TRDMT1: variants seen among roughly 807,000 people sequenced by gnomAD.
The protein encoded by TRDMT1 is tRNA (cytosine(38)-C(5))-methyltransferase.
TRDMT1 carries 49 observed loss-of-function variants against 51.2 expected under a neutral mutation model. The observed-to-expected ratio is 0.96, with a 90% confidence interval of 0.76 to 1.21. The LOEUF is 1.21. Ranked by LOEUF, TRDMT1 falls within the 50% of genes most tolerant of loss-of-function variation. The probability of loss-of-function intolerance (pLI) is 0.00; values close to 1 mark genes in which losing one functional copy is unlikely to be tolerated. For synonymous variants in TRDMT1, 187 were observed against 164.6 expected, an observed-to-expected ratio of 1.14 and a Z score of -1.04; for missense variants, 534 against 462.3, an observed-to-expected ratio of 1.16 and a Z score of -1.42.
chr10:17,151,541 G>T, intron 10 of TRDMT1: 1 of 985,356 alleles, frequency 1.0e-6, no homozygotes, highest in South Asian at 4.7e-5. Context: ...GTTGTGTCAC[G>T]GTGCTGCTCA....
At chr10:17,161,732 T>C (rs1817218519) in intron 4 of TRDMT1, among the ~76,000 whole-genome samples, 184 bp from the exon 5 acceptor site, 1 of 152,240 alleles carries the variant, frequency 6.6e-6, no homozygotes, top group African/African-American at 2.4e-5. Flanking sequence ...GCACACTTGA[T>C]AAAGTTAACA....
At position 17,144,424 on chromosome 10, in the gene TRDMT1, T is replaced by C. The variant is rs987381911; in HGVS notation, c.*4616A>G. On this transcript the variant is annotated 3_prime_UTR_variant, in exon 11 of 11. Transcript: ENST00000377799. ...GTTCTATGGGAGAACTCAGTTCCTATCTTGTAATTTTTGTGAAAATTTCCG... is the reference window on the plus strand; with the variant it reads ...GTTCTATGGGAGAACTCAGTTCCTACCTTGTAATTTTTGTGAAAATTTCCG... 6 of 985,474 alleles carry C rather than the reference T, an allele frequency of 6.1e-6. No homozygotes were observed. In the African/African-American group the frequency reaches 8.7e-5, roughly 14 times the overall value. 61.0% of individuals were successfully genotyped at this position (985,474 alleles called of 1,614,324 possible).
Position 17,142,958 on chromosome 10 carries a change from C to T in TRDMT1, c.*6082G>A, listed in dbSNP as rs1440956844. ...GAGCAGGGAGAAATAAATCTACACT[C>T]TCTTGTCAAGACCAGAAGTCAGAAT... On this transcript the variant is annotated 3_prime_UTR_variant, in exon 11 of 11. Coordinates refer to ENST00000377799, the MANE Select transcript of TRDMT1 (RefSeq NM_004412.7). The T allele has an allele frequency of 1.0e-6, 1 of 980,276 alleles. No individual in the cohort carries two copies. Among genetic ancestry groups the T allele is most frequent in the African/African-American group, 1.8e-5 (1 of 57,120 alleles). 60.7% of individuals were successfully genotyped at this position (980,276 alleles called of 1,614,324 possible). A position where few individuals can be genotyped will look rare whatever the true frequency, so the allele number is the denominator to read the frequency against.
intron 1 of TRDMT1, among the ~76,000 whole-genome samples, chr10:17,197,206 C>T (rs1368619258): frequency 6.6e-6 from 1 of 151,990 alleles, no homozygotes; most frequent in Admixed American, 6.6e-5. Flanking sequence ...AGAATCTGGG[C>T]TAAATAAACC....
In TRDMT1 at chr10:17,193,820, C is replaced by G. The variant is rs553243325; in HGVS notation, c.64+7751G>C. Among the ~76,000 whole-genome samples the G allele has an allele frequency of 2.0e-5, 3 of 152,278 alleles. No individual in the cohort carries two copies. In the South Asian group the frequency reaches 6.2e-4, roughly 32 times the overall value. On this transcript the variant is annotated intron_variant, in intron 1 of 10. Transcript: ENST00000377799. ...AATTGGAACAAACTATTCTAAAACT[C>G]ATATGGAACCATATAAAAGCCTGAA...
intron 1 of TRDMT1, among the ~76,000 whole-genome samples, chr10:17,177,021 G>C (rs1357400736): frequency 1.3e-5 from 2 of 151,824 alleles, no homozygotes; most frequent in Non-Finnish European, 2.9e-5. Context: ...TCTTTTCATT[G>C]AAACAGAGGA....
intron 1 of TRDMT1, among the ~76,000 whole-genome samples, chr10:17,180,763 C>T (rs1843189888): frequency 6.6e-6 from 1 of 152,084 alleles, no homozygotes. Context: ...TGTCCCTCTT[C>T]CCATTTCAAA....
chr10:17,161,239 A>G (rs1588539343), intron 5 of TRDMT1, among the ~76,000 whole-genome samples: 1 of 152,210 alleles, frequency 6.6e-6, no homozygotes, highest in East Asian at 1.9e-4. Context: ...ATTCTTACCA[A>G]CCACTTACTC....
At chr10:17,156,242 T>TC (rs1395926147) in intron 8 of TRDMT1, among the ~76,000 whole-genome samples, 1 of 151,532 alleles carries the variant, frequency 6.6e-6, no homozygotes, top group Non-Finnish European at 1.5e-5. Context: ...AATTTTTCTT[T>TC]TTTTTTTTTT....
intron 5 of TRDMT1, among the ~76,000 whole-genome samples, chr10:17,161,199 C>A (rs1225750060): frequency 2.6e-5 from 4 of 152,116 alleles, no homozygotes; most frequent in Admixed American, 2.0e-4. Context: ...AAATAAGCAC[C>A]AATATAAATG....
At chr10:17,174,703 G>T in intron 1 of TRDMT1, 43 bp from the exon 2 acceptor site, 1 of 1,387,662 alleles carries the variant, frequency 7.2e-7, no homozygotes, top group Non-Finnish European at 1.0e-6. Context: ...AAGTCCTTAA[G>T]TTCATTATAG....
intron 2 of TRDMT1, among the ~76,000 whole-genome samples, chr10:17,170,572 T>C (rs901769382): frequency 1.3e-4 from 20 of 152,228 alleles, no homozygotes; most frequent in African/African-American, 4.6e-4. Flanking sequence ...TAAACTGAAT[T>C]TTCATTTGAA....
rs1206925922 is a variant in TRDMT1 at position 17,140,797 on chromosome 10, C to CA, written c.*8242dup. Among the ~76,000 whole-genome samples, 6 of 152,208 alleles carry CA rather than the reference C, an allele frequency of 3.9e-5. No homozygotes were observed. The highest frequency in any genetic ancestry group is 7.3e-5 in the Non-Finnish European group (5 of 68,032). ...AAAAATTAAAATGCTATTACTCTAA[C>CA]ATAACTGCTATCATTATTTTATTCC... is the stretch of plus-strand genomic sequence containing the variant. On this transcript the variant is annotated 3_prime_UTR_variant, in exon 11 of 11. Coordinates refer to ENST00000377799, the MANE Select transcript of TRDMT1 (RefSeq NM_004412.7).
intron 4 of TRDMT1, 60 bp downstream of exon 4, chr10:17,162,106 T>C: frequency 1.4e-6 from 2 of 1,446,112 alleles, no homozygotes; most frequent in Admixed American, 1.9e-5. Context: ...AAACGTCACA[T>C]TCTTCCAGAC....
Position 17,139,003 on chromosome 10 carries a change from G to C in TRDMT1, c.*10037C>G, listed in dbSNP as rs548485672. ...ATCATTATAAGGATCAGCCATAGCA[G>C]AGGAGATACTAATTGCTAGGATTAA... On this transcript the variant is annotated 3_prime_UTR_variant, in exon 11 of 11. Transcript: ENST00000377799. Among the ~76,000 whole-genome samples, 1 of 152,266 alleles carries C rather than the reference G, an allele frequency of 6.6e-6. No individual in the cohort carries two copies. Among genetic ancestry groups the C allele is most frequent in the South Asian group, 2.1e-4 (1 of 4,832 alleles).
At chr10:17,156,673 A>G (rs1308622298) in intron 8 of TRDMT1, among the ~76,000 whole-genome samples, 8 of 152,212 alleles carry the variant, frequency 5.3e-5, no homozygotes, top group Admixed American at 5.2e-4. Flanking sequence ...AGTAAATTAT[A>G]TAATATACCT....
intron 8 of TRDMT1, among the ~76,000 whole-genome samples, chr10:17,156,290 A>G (rs1839493263): frequency 6.6e-6 from 1 of 151,308 alleles, no homozygotes. Flanking sequence ...GCTGGAGTGC[A>G]GGGATATGAT....
At position 17,160,361 on chromosome 10, in the gene TRDMT1, G is replaced by A. The variant is rs374843389; in HGVS notation, c.403C>T (p.Gln135Ter). The change falls in exon 6 of 11, where the codon CAA becomes TAA. Residue 135 changes from glutamine (Q) to a stop codon, truncating the protein, a stop_gained. Coordinates refer to ENST00000377799, the MANE Select transcript of TRDMT1 (RefSeq NM_004412.7). LOFTEE classifies it high-confidence loss of function. ...TGAAAGCCACAATTTTCTATTGTTT[G>A]TATCAAGAGGTCTCTAAAAAGAAAA... Reference protein sequence around the residue: ...EVSSTRDLLIQTIENCGFQYQ... With the variant: ...EVSSTRDLLI The A allele has an allele frequency of 5.2e-6, 8 of 1,542,062 alleles. No homozygotes were observed. The highest frequency in any genetic ancestry group is 7.0e-6 in the Non-Finnish European group (8 of 1,143,564).
intron 7 of TRDMT1, 100 bp downstream of exon 7, chr10:17,159,046 G>T: frequency 1.3e-6 from 1 of 749,470 alleles, no homozygotes; most frequent in Non-Finnish European, 2.0e-6. Flanking sequence ...AGTACACAGA[G>T]ACAGCTACAC....
Sources: allele counts gnomAD v4.1 joint callset (sites outside exome capture counted in the v4.1 genomes callset), GRCh38; gene constraint gnomAD v4.1.1; transcripts MANE v1.5; gene names NCBI Gene and HGNC (gene_info 2026-07-23, HGNC 2026-07-21).